TPRG1: variants seen among roughly 807,000 people sequenced by gnomAD.
TPRG1 encodes the protein tumor protein p63 regulated 1, also known as tumor protein p63-regulated gene 1 protein.
Under a neutral mutation model 29.3 loss-of-function variants are expected in TPRG1, and 29 were observed. The observed-to-expected ratio is 0.99, with a 90% CI of 0.74 to 1.35. The LOEUF is 1.35. Ranked by LOEUF, TPRG1 falls within the 40% of genes most tolerant of loss-of-function variation. The pLI is 0.00. For missense variants in TPRG1, 327 were observed against 335.0 expected (o/e 0.98, Z 0.19); for synonymous variants, 130 against 116.8 (o/e 1.11, Z -0.73).
At chr3:189,006,976 A>G (rs899966069) in intron 3 of TPRG1, among the ~76,000 whole-genome samples, 2 of 152,190 alleles carry the variant, frequency 1.3e-5, no homozygotes, top group Non-Finnish European at 2.9e-5. Flanking sequence ...CATTCAGGAC[A>G]TAGGCATGGG....
At chr3:189,097,288 A>C (rs1718741936), upstream of TPRG1, among the ~76,000 whole-genome samples, 1 of 152,228 alleles carries the variant, frequency 6.6e-6, no homozygotes, top group East Asian at 1.9e-4. Flanking sequence ...CTTAAATTTT[A>C]TGATTGGCAA....
intron 4 of TPRG1, among the ~76,000 whole-genome samples, chr3:189,045,540 A>C (rs985152631): frequency 6.6e-6 from 1 of 152,238 alleles, no homozygotes; most frequent in Admixed American, 6.5e-5. Flanking sequence ...TGATCTGTCT[A>C]CACTTCAGCT....
At chr3:189,077,097 T>C (rs1399417485) in intron 4 of TPRG1, among the ~76,000 whole-genome samples, 5 of 152,200 alleles carry the variant, frequency 3.3e-5, no homozygotes, top group African/African-American at 1.2e-4. Context: ...GTGAAAATGC[T>C]GCATAACTAT....
chr3:189,053,859 G>C (rs1013412238), intron 4 of TPRG1, among the ~76,000 whole-genome samples: 1 of 152,132 alleles, frequency 6.6e-6, no homozygotes, highest in Non-Finnish European at 1.5e-5. Flanking sequence ...ATTAGGCTTC[G>C]GCTTAAGGGA....
At chr3:189,225,788 A>G (rs1027101478) in intron 3 of TPRG1, among the ~76,000 whole-genome samples, 1 of 152,220 alleles carries the variant, frequency 6.6e-6, no homozygotes, top group Non-Finnish European at 1.5e-5. Context: ...TGTGCTTCCA[A>G]TGGTCTGTTC....
chr3:189,093,101 C>A (rs919481153), intron 4 of TPRG1, among the ~76,000 whole-genome samples: 1 of 150,868 alleles, frequency 6.6e-6, no homozygotes, highest in Non-Finnish European at 1.5e-5. Flanking sequence ...ACCCCCAAAC[C>A]GAACCCTGTA....
At chr3:189,296,449 T>G (rs1235710993) in intron 4 of TPRG1, among the ~76,000 whole-genome samples, 2 of 152,192 alleles carry the variant, frequency 1.3e-5, no homozygotes, top group Non-Finnish European at 2.9e-5. Context: ...TACAATTATA[T>G]AAGGATATAT....
Position 189,321,725 on chromosome 3 carries a change from T to TA in TPRG1, c.*905_*906insA, listed in dbSNP as rs1349012403. 2 of 152,150 alleles carry TA rather than the reference T, an allele frequency of 1.3e-5. No individual in the cohort carries two copies. Among genetic ancestry groups the TA allele is most frequent in the Non-Finnish European group, 2.9e-5 (2 of 68,024 alleles). 9.4% of individuals were successfully genotyped at this position (152,150 alleles called of 1,614,324 possible). A position where few individuals can be genotyped will look rare whatever the true frequency, so the allele number is the denominator to read the frequency against. On this transcript the variant is annotated 3_prime_UTR_variant, in exon 6 of 6. Coordinates refer to ENST00000345063, the MANE Select transcript of TPRG1 (RefSeq NM_198485.4). ...ATACCATCTTTTGTTCAAATATATA[T>TA]TTTTTAATAACAGACCTTTTTCTTC...
intron 3 of TPRG1, among the ~76,000 whole-genome samples, chr3:189,006,229 A>T (rs1294787846): frequency 1.3e-5 from 2 of 151,998 alleles, no homozygotes; most frequent in East Asian, 3.9e-4. Flanking sequence ...TTTGTCTCTT[A>T]ATGTTTGTTG....
intron 4 of TPRG1, among the ~76,000 whole-genome samples, chr3:189,251,516 C>T (rs1470896243): frequency 3.9e-5 from 6 of 152,032 alleles, no homozygotes; most frequent in Non-Finnish European, 7.4e-5. Flanking sequence ...CGGAGGATCC[C>T]GCCAGCCTCT....
intron 4 of TPRG1, among the ~76,000 whole-genome samples, chr3:189,081,018 A>T (rs548722942): frequency 4.6e-5 from 7 of 152,222 alleles, no homozygotes; most frequent in African/African-American, 1.7e-4. Flanking sequence ...TGTAGAGATG[A>T]ATATTTCTCT....
intron 3 of TPRG1, among the ~76,000 whole-genome samples, chr3:189,007,099 G>A (rs537811813): frequency 1.3e-5 from 2 of 152,014 alleles, no homozygotes; most frequent in African/African-American, 2.4e-5. Context: ...TACCATCAGA[G>A]TGAACAGGCA....
At chr3:189,054,642 G>A (rs1431632492) in intron 4 of TPRG1, among the ~76,000 whole-genome samples, 6 of 151,914 alleles carry the variant, frequency 3.9e-5, no homozygotes, top group Non-Finnish European at 5.9e-5. Context: ...CAAAAGCCGG[G>A]TGTGGTGGTA....
intron 4 of TPRG1, among the ~76,000 whole-genome samples, chr3:189,068,371 G>A (rs961722999): frequency 6.6e-6 from 1 of 152,148 alleles, no homozygotes; most frequent in African/African-American, 2.4e-5. Context: ...CACAACATGC[G>A]CTATTTGCAA....
chr3:189,084,344 T>C (rs1199486413), intron 4 of TPRG1, among the ~76,000 whole-genome samples: 1 of 152,192 alleles, frequency 6.6e-6, no homozygotes, highest in Non-Finnish European at 1.5e-5. Context: ...GGGGTCTTAC[T>C]GAATTAAGAA....
intron 3 of TPRG1, among the ~76,000 whole-genome samples, chr3:189,221,030 C>T (rs1031160750): frequency 2.6e-5 from 4 of 152,108 alleles, no homozygotes; most frequent in Non-Finnish European, 5.9e-5. Flanking sequence ...TCCAAACTGT[C>T]AATGACACAC....
chr3:189,275,795 T>C (rs1716033971), intron 4 of TPRG1, among the ~76,000 whole-genome samples: 1 of 152,108 alleles, frequency 6.6e-6, no homozygotes, highest in South Asian at 2.1e-4. Flanking sequence ...GGGCATCCAA[T>C]TGTTATTTCA....
intron 4 of TPRG1, among the ~76,000 whole-genome samples, chr3:189,079,259 A>AATATTTC (rs1717427237): frequency 6.6e-6 from 1 of 152,154 alleles, no homozygotes; most frequent in South Asian, 2.1e-4. Context: ...GGATCTGCCC[A>AATATTTC]CATGACCCCG....
intron 4 of TPRG1, among the ~76,000 whole-genome samples, chr3:189,090,385 A>G (rs1259374342): frequency 6.6e-6 from 1 of 151,946 alleles, no homozygotes; most frequent in African/African-American, 2.4e-5. Context: ...TAGCAGGCTG[A>G]TAATAGGTCA....
Sources: allele counts gnomAD v4.1 joint callset (sites outside exome capture counted in the v4.1 genomes callset), GRCh38; gene constraint gnomAD v4.1.1; transcripts MANE v1.5; gene names NCBI Gene and HGNC (gene_info 2026-07-23, HGNC 2026-07-21).